The following BECN1 variants were observed in gnomAD, a reference collection of about 807,000 sequenced individuals.
BECN1 encodes beclin 1, also known as beclin-1.
In BECN1, 15 loss-of-function variants were observed where a neutral mutation model predicts 60.1. The ratio of observed to expected loss-of-function variants is 0.25; its 90% CI spans 0.17 to 0.38. The LOEUF is 0.38. Among genes scored for constraint, BECN1 ranks in the 10% least tolerant of loss-of-function variants. BECN1 has a pLI of 1.00. For missense variants in BECN1, 424 were observed against 548.2 expected, an observed-to-expected ratio of 0.77 and a Z score of 2.26; for synonymous variants, 179 against 201.8, an observed-to-expected ratio of 0.89 and a Z score of 0.96.
At chr17:42,816,637 G>A (rs537703339) in intron 7 of BECN1, among the ~76,000 whole-genome samples, 56 of 140,750 alleles carry the variant, frequency 4.0e-4, no homozygotes, top group African/African-American at 1.4e-3. Flanking sequence ...CAACAGAGCC[G>A]AGACTCTGTC....
At chr17:42,814,482 A>T in intron 9 of BECN1, 42 bp downstream of exon 9, 1 of 1,611,992 alleles carries the variant, frequency 6.2e-7, no homozygotes, top group African/African-American at 1.3e-5. Context: ...TACAAATTAT[A>T]TCAATGCACA....
chr17:42,815,722 CG>C lies in BECN1; in HGVS notation c.830+185del, dbSNP rs1202901630. 2.9e-5 allele frequency: 21 copies of C among 720,104 alleles called. No homozygotes were observed. The East Asian group carries it at 5.6e-4, about 19-fold the overall frequency. 44.6% of individuals were successfully genotyped at this position (720,104 alleles called of 1,614,324 possible). A position where few individuals can be genotyped will look rare whatever the true frequency, so the allele number is the denominator to read the frequency against. On this transcript the variant is annotated intron_variant, in intron 8 of 11. Transcript: ENST00000590099. The stretch of plus-strand genomic sequence containing the variant: ...AGGCCTTTTCCTTTCTTTAGAAGGG[CG>C]GATGTCACCAAGCTCTAGAATTCCA...
At chr17:42,822,477 C>T (rs1426955018) in intron 2 of BECN1, among the ~76,000 whole-genome samples, 1 of 152,156 alleles carries the variant, frequency 6.6e-6, no homozygotes, top group Admixed American at 6.5e-5. Flanking sequence ...GACTCCAGGC[C>T]CATAAGCTTA....
intron 2 of BECN1, among the ~76,000 whole-genome samples, chr17:42,822,916 A>G (rs1405517966): frequency 6.6e-6 from 1 of 151,822 alleles, no homozygotes; most frequent in East Asian, 1.9e-4. Flanking sequence ...CCTGGGCTCA[A>G]GCGATCCTCC....
intron 1 of BECN1, 112 bp downstream of exon 1, chr17:42,824,043 G>A (rs1434166501): frequency 9.8e-6 from 9 of 918,496 alleles, no homozygotes; most frequent in Admixed American, 9.0e-5. Context: ...TTCCGGGACA[G>A]CCTGAGCAAA....
chr17:42,813,982 T>C lies in BECN1; in HGVS notation c.1007A>G (p.His336Arg). 1 of 1,606,584 alleles carries C rather than the reference T, an allele frequency of 6.2e-7. No homozygotes were observed. The highest frequency in any genetic ancestry group is 8.5e-7 in the Non-Finnish European group (1 of 1,174,740). Residue 336 changes from histidine to arginine, a missense_variant, in exon 10 of 12, where the codon CAT becomes CGT. Physicochemically the swap from His to Arg is conservative, Grantham distance 29. Around this residue, in one of 3 missense-constraint regions of BECN1, gnomAD observed 326 missense variants for 406.2 expected, o/e 0.80. Transcript: ENST00000590099. ...GTCTGTCAGAGACTCCAGATATGAA[T>C]GGTTTCCGTAAGGAACAAGTCGGTA... ...QRYRLVPYGN[H>R]SYLESLTDKS...
chr17:42,821,472 C>G (rs2055263089), intron 2 of BECN1, among the ~76,000 whole-genome samples: 1 of 152,112 alleles, frequency 6.6e-6, no homozygotes, highest in African/African-American at 2.4e-5. Context: ...GGGCTGTAGA[C>G]AAAACTTGAT....
At chr17:42,813,856 T>A in intron 10 of BECN1, 92 bp downstream of exon 10, 1 of 949,624 alleles carries the variant, frequency 1.1e-6, no homozygotes, top group South Asian at 1.6e-5. Flanking sequence ...GTCTAAAAAA[T>A]AAATTGAATG....
At chr17:42,818,055 A>G (rs1273158058) in intron 7 of BECN1, among the ~76,000 whole-genome samples, 166 bp downstream of exon 7, 1 of 152,166 alleles carries the variant, frequency 6.6e-6, no homozygotes, top group East Asian at 1.9e-4. Flanking sequence ...AACTCTCCCA[A>G]CAAACCTCTA....
chr17:42,819,590 G>A lies in BECN1; in HGVS notation c.218C>T (p.Pro73Leu). The A allele has an allele frequency of 1.2e-6, 2 of 1,613,624 alleles. No individual in the cohort carries two copies. The highest frequency in any genetic ancestry group is 1.7e-6 in the Non-Finnish European group (2 of 1,179,916). ...TCTGCGAGAGACACCATCCTGGCGA[G>A]GAGTTTCAATAAATGGCTCCTGGGA... ...NSGEEPFIETPRQDGVSRRFI... is the reference protein window; with the variant it reads ...NSGEEPFIETLRQDGVSRRFI... The change falls in exon 4 of 12, where the codon CCT (proline) becomes CTT (leucine). Residue 73 changes from proline (P) to leucine (L), a missense_variant. Around this residue, in one of 3 missense-constraint regions of BECN1, gnomAD observed 96 missense variants for 125.6 expected, o/e 0.76. Transcript: ENST00000590099.
At chr17:42,820,558 A>C in intron 3 of BECN1, 1 of 479,110 alleles carries the variant, frequency 2.1e-6, no homozygotes, top group Non-Finnish European at 3.7e-6. Context: ...CTAATTCAGT[A>C]ACCCTGTGAC....
intron 5 of BECN1, 39 bp downstream of exon 5, chr17:42,818,748 C>T (rs1308156661): frequency 3.1e-6 from 5 of 1,613,772 alleles, no homozygotes; most frequent in Non-Finnish European, 4.2e-6. Flanking sequence ...ACTCTCCCAG[C>T]CAGGCCTACT....
At position 42,810,741 on chromosome 17, in the gene BECN1, C is replaced by A; in HGVS notation, c.*19G>T. On this transcript the variant is annotated 3_prime_UTR_variant, in exon 12 of 12. Transcript: ENST00000590099. Reference sequence around the variant, plus strand: ...AAAATTAAAAGCCTTTAAGGCAAACCTCCCCCTAAGGAAAAAAGTCATTTG... The same window carrying A: ...AAAATTAAAAGCCTTTAAGGCAAACATCCCCCTAAGGAAAAAAGTCATTTG... The A allele has an allele frequency of 6.3e-7, 1 of 1,581,676 alleles. No individual in the cohort carries two copies. Among genetic ancestry groups the A allele is most frequent in the African/African-American group, 1.4e-5 (1 of 73,658 alleles).
rs2054973161 is a variant in BECN1, at chr17:42,810,509, GAAGA to G, written c.*247_*250del. On this transcript the variant is annotated 3_prime_UTR_variant, in exon 12 of 12. Coordinates refer to ENST00000590099, the MANE Select transcript of BECN1 (RefSeq NM_001313998.2). ...CAAATTTAAATTAGTTTTTTTCAGA[GAAGA>G]AAGGGAAAGGAGTCCATGGGGTTAA... is the stretch of plus-strand genomic sequence containing the variant. 2 of 315,968 alleles carry G rather than the reference GAAGA, an allele frequency of 6.3e-6. No homozygotes were observed. Among genetic ancestry groups the G allele is most frequent in the East Asian group, 1.0e-4 (2 of 19,338 alleles). 19.6% of individuals were successfully genotyped at this position (315,968 alleles called of 1,614,324 possible). A position where few individuals can be genotyped will look rare whatever the true frequency, so the allele number is the denominator to read the frequency against.
At chr17:42,823,553 C>T (rs1456713755) in intron 2 of BECN1, among the ~76,000 whole-genome samples, 195 bp downstream of exon 2, 1 of 152,166 alleles carries the variant, frequency 6.6e-6, no homozygotes, top group Non-Finnish European at 1.5e-5. Flanking sequence ...CGCGCCCGGT[C>T]GGAAAGCTCT....
At chr17:42,814,166 G>T in intron 9 of BECN1, 158 bp from the exon 10 acceptor site, 2 of 552,102 alleles carry the variant, frequency 3.6e-6, no homozygotes, top group South Asian at 2.8e-5. Flanking sequence ...ATGTTTAAAA[G>T]ATTTTGTTTA....
At chr17:42,821,261 A>C (rs997442466) in intron 2 of BECN1, among the ~76,000 whole-genome samples, 4 of 152,090 alleles carry the variant, frequency 2.6e-5, no homozygotes, top group Non-Finnish European at 4.4e-5. Flanking sequence ...GGGTTTCACC[A>C]TGTTGGCCAG....
Position 42,810,627 on chromosome 17 carries a change from C to G in BECN1, c.*133G>C. On this transcript the variant is annotated 3_prime_UTR_variant, in exon 12 of 12. Transcript: ENST00000590099. Reference sequence around the variant, plus strand: ...CACATGATATTTTAAAATAAAGTGGCTTTTGTGGATTTTTTCTTTTTTGGT... The same window carrying G: ...CACATGATATTTTAAAATAAAGTGGGTTTTGTGGATTTTTTCTTTTTTGGT... The G allele has an allele frequency of 1.1e-6, 1 of 951,850 alleles. No homozygotes were observed. Among genetic ancestry groups the G allele is most frequent in the Non-Finnish European group, 1.5e-6 (1 of 677,952 alleles). The allele number at this position is 951,850 out of a possible 1,614,324, so 59.0% of individuals were successfully genotyped here.
At chr17:42,811,238 AAGG>A (rs1356301414) in intron 11 of BECN1, 2 of 306,708 alleles carry the variant, frequency 6.5e-6, no homozygotes, top group Non-Finnish European at 1.2e-5. Context: ...GCGGGGGAGA[AAGG>A]AGGCAGAAGA....
Sources: allele counts gnomAD v4.1 joint callset (sites outside exome capture counted in the v4.1 genomes callset), GRCh38; gene constraint gnomAD v4.1.1; regional missense constraint gnomAD v4.1.1; transcripts MANE v1.5; gene names NCBI Gene and HGNC (gene_info 2026-07-23, HGNC 2026-07-21).